The following ADD1 variants were observed in gnomAD, a reference collection of about 807,000 sequenced individuals.
ADD1 encodes the protein alpha-adducin.
In ADD1, 24 loss-of-function variants were observed where a neutral mutation model predicts 80.5. That is an observed-to-expected ratio of 0.30 (90% CI 0.22 to 0.42). The LOEUF is 0.42. Among genes scored for constraint, ADD1 ranks in the 10% least tolerant of loss-of-function variants. The pLI, the probability that ADD1 is intolerant of heterozygous loss-of-function variation, is 1.00. For missense variants in ADD1, 948 were observed against 1,019.0 expected, an observed-to-expected ratio of 0.93 and a Z score of 0.95; for synonymous variants, 373 against 393.8, an observed-to-expected ratio of 0.95 and a Z score of 0.63.
chr4:2,863,219 ATTTTTTT>A (rs34312305), intron 1 of ADD1, among the ~76,000 whole-genome samples: 62 of 123,758 alleles, frequency 5.0e-4, no homozygotes, highest in Admixed American at 2.4e-3. Context: ...CTAATTTTTA[ATTTTTTT>A]TTTTTTTTTT....
chr4:2,884,899 C>A (rs1732995579), intron 4 of ADD1, among the ~76,000 whole-genome samples: 1 of 152,156 alleles, frequency 6.6e-6, no homozygotes, highest in Admixed American at 6.5e-5. Context: ...CCTAATAAAA[C>A]AACTAAGTGT....
chr4:2,851,591 T>C (rs1199569802), intron 1 of ADD1, among the ~76,000 whole-genome samples: 1 of 152,248 alleles, frequency 6.6e-6, no homozygotes, highest in Non-Finnish European at 1.5e-5. Context: ...AGGAACTTTG[T>C]GGTTAAACCA....
chr4:2,924,396 C>T (rs915905001), intron 14 of ADD1, among the ~76,000 whole-genome samples: 2 of 152,196 alleles, frequency 1.3e-5, no homozygotes, highest in African/African-American at 4.8e-5. Context: ...TTGGTGCTGG[C>T]ACCAAGAAGA....
In ADD1 at chr4:2,928,916, A is replaced by C; in HGVS notation, c.*393A>C. 1 of 198,484 alleles carries C rather than the reference A, an allele frequency of 5.0e-6. No homozygotes were observed. Among genetic ancestry groups the C allele is most frequent in the Non-Finnish European group, 9.9e-6 (1 of 100,508 alleles). 12.3% of individuals were successfully genotyped at this position (198,484 alleles called of 1,614,324 possible). A position where few individuals can be genotyped will look rare whatever the true frequency, so the allele number is the denominator to read the frequency against. ...TCTGTCTCTGCTTGGCTTCCCCTCC[A>C]CCCTAAAGTCTCAGGTGACGGACTC... On this transcript the variant is annotated 3_prime_UTR_variant, in exon 16 of 16. Coordinates refer to ENST00000683351, the MANE Select transcript of ADD1 (RefSeq NM_001354761.2).
intron 14 of ADD1, among the ~76,000 whole-genome samples, chr4:2,922,350 G>A (rs1237379628): frequency 6.6e-6 from 1 of 152,186 alleles, no homozygotes; most frequent in Non-Finnish European, 1.5e-5. Context: ...TGATGTTGAT[G>A]CTATCCCTTT....
intron 1 of ADD1, among the ~76,000 whole-genome samples, chr4:2,861,730 T>C (rs1027370913): frequency 6.6e-6 from 1 of 152,186 alleles, no homozygotes; most frequent in Admixed American, 6.5e-5. Context: ...AGCCATGGTT[T>C]GTTTTAAATC....
At chr4:2,873,440 T>C (rs1027745581) in intron 1 of ADD1, among the ~76,000 whole-genome samples, 2 of 152,236 alleles carry the variant, frequency 1.3e-5, no homozygotes, top group Non-Finnish European at 2.9e-5. Flanking sequence ...ATACTTTCAT[T>C]TTGATTTACA....
At chr4:2,899,152 C>T (rs542635579) in intron 8 of ADD1, 107 bp from the exon 9 acceptor site, 3 of 1,117,550 alleles carry the variant, frequency 2.7e-6, no homozygotes, top group Admixed American at 2.6e-5. Context: ...TTTATTCTTA[C>T]ACTCTAGAGA....
intron 1 of ADD1, among the ~76,000 whole-genome samples, chr4:2,845,165 C>T (rs1241692368): frequency 6.6e-6 from 1 of 152,164 alleles, no homozygotes; most frequent in African/African-American, 2.4e-5. Context: ...CTCCGCCTCC[C>T]AGGTTCAAGC....
Position 2,909,335 on chromosome 4 carries a change from T to C in ADD1, c.1699-4T>C. On this transcript the variant is annotated splice_region_variant and splice_polypyrimidine_tract_variant and intron_variant, in intron 12 of 15. Transcript: ENST00000683351. ...TGCTCTGGTGACTCAGTTTACTGTT[T>C]CAGGATGCACCTCTCTCTGACTGTA... 1 of 1,550,046 alleles carries C rather than the reference T, an allele frequency of 6.5e-7. No individual in the cohort carries two copies. The highest frequency in any genetic ancestry group is 1.4e-5 in the African/African-American group (1 of 73,158).
chr4:2,919,651 T>G (rs1437066028), intron 14 of ADD1, among the ~76,000 whole-genome samples: 1 of 152,246 alleles, frequency 6.6e-6, no homozygotes, highest in African/African-American at 2.4e-5. Context: ...TCTCTGATGG[T>G]AGTTCGTATT....
At chr4:2,892,329 G>A (rs1057107700) in intron 4 of ADD1, among the ~76,000 whole-genome samples, 1 of 152,172 alleles carries the variant, frequency 6.6e-6, no homozygotes, top group Non-Finnish European at 1.5e-5. Context: ...AGCCTTTTGA[G>A]CCTATACTAA....
chr4:2,879,270 C>T (rs1224781555), intron 2 of ADD1, among the ~76,000 whole-genome samples: 1 of 152,168 alleles, frequency 6.6e-6, no homozygotes, highest in Non-Finnish European at 1.5e-5. Flanking sequence ...TGCCACGTGT[C>T]CTTTCTGCAC....
At position 2,898,419 on chromosome 4, in the gene ADD1, A is replaced by C; in HGVS notation, c.886-14A>C. On this transcript the variant is annotated splice_polypyrimidine_tract_variant and intron_variant, in intron 7 of 15. Coordinates refer to ENST00000683351, the MANE Select transcript of ADD1 (RefSeq NM_001354761.2). The stretch of plus-strand genomic sequence containing the variant: ...TCCTGCCCAGCTCCACAGAGCATTC[A>C]TGCTTCCCCTCAGGTTCTTATTCTC... 6.2e-7 allele frequency: 1 copy of C among 1,614,110 alleles called. No individual in the cohort carries two copies.
At chr4:2,850,407 A>G (rs1046309303) in intron 1 of ADD1, among the ~76,000 whole-genome samples, 2 of 152,102 alleles carry the variant, frequency 1.3e-5, no homozygotes, top group East Asian at 3.9e-4. Context: ...AGCTGGGAAC[A>G]GGTGTGTGCC....
At chr4:2,905,279 G>A (rs1736857179) in intron 10 of ADD1, 171 bp downstream of exon 10, 1 of 631,102 alleles carries the variant, frequency 1.6e-6, no homozygotes, top group East Asian at 2.7e-5. Flanking sequence ...CTAAAATTCG[G>A]ATAATACTAT....
chr4:2,899,393 T>C lies in ADD1; in HGVS notation c.1119T>C (p.Gly373=). The change falls in exon 9 of 16, where the codon GGT becomes GGC. Residue 373 remains glycine, a synonymous_variant. Coordinates refer to ENST00000683351, the MANE Select transcript of ADD1 (RefSeq NM_001354761.2). The part of the protein sequence containing the change: ...GTGSPPKWQI[G]EQEFEALMRM... The stretch of plus-strand genomic sequence containing the variant: ...GATCGCCTCCCAAGTGGCAGATTGG[T>C]GAGCAGGAATTTGAAGCCCTCATGC... The C allele has an allele frequency of 6.2e-7, 1 of 1,614,184 alleles. No individual in the cohort carries two copies. Among genetic ancestry groups the C allele is most frequent in the African/African-American group, 1.3e-5 (1 of 75,052 alleles).
chr4:2,926,099 C>A lies in ADD1; in HGVS notation c.2034C>A (p.Ile678=), dbSNP rs751645907. 3.7e-6 allele frequency: 6 copies of A among 1,614,066 alleles called. No individual in the cohort carries two copies. Residue 678 remains isoleucine (I), a synonymous_variant, in exon 15 of 16, where the codon ATC becomes ATA. Transcript: ENST00000683351. The surrounding 1 kb of genome is among the most constrained non-coding windows in gnomAD (Gnocchi z 5.0). ...AVPHPPPSTP[I]KLEEDLVPEP... ...CCCACCCGCCTCCCAGCACTCCCATCAAGCTGGAGGAAGGTGAGCTCTGGG... is the reference window on the plus strand; with the variant it reads ...CCCACCCGCCTCCCAGCACTCCCATAAAGCTGGAGGAAGGTGAGCTCTGGG...
At chr4:2,862,662 C>A (rs1052776171) in intron 1 of ADD1, among the ~76,000 whole-genome samples, 1 of 152,184 alleles carries the variant, frequency 6.6e-6, no homozygotes, top group Non-Finnish European at 1.5e-5. Context: ...CTTTGCTCTT[C>A]CTACTTAATG....
Sources: gnomAD v4.1 joint callset for allele counts (sites outside exome capture counted in the v4.1 genomes callset) on GRCh38, gnomAD v4.1.1 for gene constraint, Gnocchi (gnomAD v3.1) non-coding constraint, MANE v1.5 for transcripts, NCBI Gene and HGNC (gene_info 2026-07-23, HGNC 2026-07-21) for gene names.